The following SLC24A4 variants were observed in gnomAD, a reference collection of about 807,000 sequenced individuals.
SLC24A4 encodes the protein sodium/potassium/calcium exchanger 4.
Under a neutral mutation model 79.0 loss-of-function variants are expected in SLC24A4, and 53 were observed. That is an observed-to-expected ratio of 0.67 (90% confidence interval 0.54 to 0.84). SLC24A4 has a LOEUF of 0.84. Among genes scored for constraint, SLC24A4 ranks in the 40% least tolerant of loss-of-function variants. SLC24A4 has a pLI of 0.00. For synonymous variants in SLC24A4, 323 were observed against 323.8 expected, an observed-to-expected ratio of 1.00 and a Z score of 0.03; for missense variants, 731 against 822.0, an observed-to-expected ratio of 0.89 and a Z score of 1.35.
At chr14:92,484,833 A>T in intron 13 of SLC24A4, 1 of 985,414 alleles carries the variant, frequency 1.0e-6, no homozygotes, top group African/African-American at 1.7e-5. Flanking sequence ...CCAACAGCCA[A>T]TTAAGGGTGA....
chr14:92,356,991 G>T (rs1887219739), intron 2 of SLC24A4, among the ~76,000 whole-genome samples: 1 of 152,236 alleles, frequency 6.6e-6, no homozygotes, highest in Non-Finnish European at 1.5e-5. Flanking sequence ...ACTGGCTTAT[G>T]TTGGGACTGA....
chr14:92,492,845 G>A (rs1895763001), intron 16 of SLC24A4: 2 of 455,650 alleles, frequency 4.4e-6, no homozygotes, highest in South Asian at 3.1e-5. Context: ...TGAGGTTCCT[G>A]GGATCCAGCC....
At chr14:92,420,704 A>T (rs192892850) in intron 2 of SLC24A4, among the ~76,000 whole-genome samples, 3 of 152,288 alleles carry the variant, frequency 2.0e-5, no homozygotes, top group African/African-American at 7.2e-5. Flanking sequence ...TTAGACAATG[A>T]AGAATTGTTT....
intron 2 of SLC24A4, among the ~76,000 whole-genome samples, chr14:92,342,363 C>CATTAATTAATTAATTAATTTATTT (rs377654077): frequency 1.5e-5 from 2 of 137,848 alleles, no homozygotes; most frequent in Admixed American, 7.2e-5. Context: ...TTTTTTTCCC[C>CATTAATTAATTAATTAATTTATTT]ATTTATTTAT....
At chr14:92,446,629 G>A (rs1380027851) in intron 8 of SLC24A4, among the ~76,000 whole-genome samples, 1 of 152,214 alleles carries the variant, frequency 6.6e-6, no homozygotes, top group African/African-American at 2.4e-5. Context: ...GGTTGAGATG[G>A]CAGTGGTTCC....
At chr14:92,463,571 T>A (rs1341212228) in intron 12 of SLC24A4, among the ~76,000 whole-genome samples, 1 of 152,234 alleles carries the variant, frequency 6.6e-6, no homozygotes, top group Non-Finnish European at 1.5e-5. Context: ...AGCTTCCTTT[T>A]CAGTCACTCT....
At position 92,474,817 on chromosome 14, in the gene SLC24A4, A is replaced by G. The variant is rs1363470525; in HGVS notation, c.1256-7863A>G. ...TGTATATATATACATATATACATAT[A>G]TATACATATATATGTGTGTGTGTGT... On this transcript the variant is annotated intron_variant, in intron 12 of 16. Transcript: ENST00000532405. Among the ~76,000 whole-genome samples the G allele has an allele frequency of 7.0e-5, 3 of 43,066 alleles. No homozygotes were observed. The Admixed American group carries it at 1.1e-3, about 16-fold the overall frequency. The allele number at this position is 43,066 out of a possible 152,430, so 28.3% of individuals were successfully genotyped here.
At chr14:92,480,454 C>T (rs867927595) in intron 12 of SLC24A4, among the ~76,000 whole-genome samples, 56 of 149,074 alleles carry the variant, frequency 3.8e-4, no homozygotes, top group East Asian at 2.0e-3. Flanking sequence ...CCACCACGCC[C>T]GGCTAATTTT....
At chr14:92,469,985 G>A (rs1894348684) in intron 12 of SLC24A4, among the ~76,000 whole-genome samples, 1 of 152,194 alleles carries the variant, frequency 6.6e-6, no homozygotes, top group South Asian at 2.1e-4. Context: ...TTATATAGTG[G>A]TCATAGTTAC....
chr14:92,421,366 C>A (rs561081975), intron 2 of SLC24A4, among the ~76,000 whole-genome samples: 88 of 152,232 alleles, frequency 5.8e-4, no homozygotes, highest in African/African-American at 2.0e-3. Context: ...TCCTTGTGCC[C>A]TTTGCCAATT....
At chr14:92,381,250 C>T (rs2141711460) in intron 2 of SLC24A4, among the ~76,000 whole-genome samples, 1 of 152,246 alleles carries the variant, frequency 6.6e-6, no homozygotes, top group East Asian at 1.9e-4. Context: ...ACTATGCAGC[C>T]ATAAAAAGGG....
intron 2 of SLC24A4, among the ~76,000 whole-genome samples, chr14:92,339,604 G>A (rs888065022): frequency 3.3e-5 from 5 of 152,200 alleles, no homozygotes; most frequent in African/African-American, 7.2e-5. Context: ...CGGGGTAGGC[G>A]GAGGGTCCCC....
chr14:92,458,313 G>T (rs1433003653), intron 12 of SLC24A4, among the ~76,000 whole-genome samples: 1 of 152,220 alleles, frequency 6.6e-6, no homozygotes, highest in Non-Finnish European at 1.5e-5. Context: ...CCCAGCCCAG[G>T]GGTTCAGGCC....
intron 13 of SLC24A4, chr14:92,485,028 G>T (rs920838515): frequency 2.7e-5 from 11 of 401,046 alleles, no homozygotes; most frequent in Non-Finnish European, 3.7e-5. Flanking sequence ...AGCATGGTTG[G>T]TTGCTCATGA....
Position 92,443,405 on chromosome 14 carries a change from C to A in SLC24A4, c.588C>A (p.Val196=). 1 of 1,614,134 alleles carries A rather than the reference C, an allele frequency of 6.2e-7. No individual in the cohort carries two copies. Among genetic ancestry groups the A allele is most frequent in the Non-Finnish European group, 8.5e-7 (1 of 1,180,020 alleles). ...CGACGGGGCTCTGCTGGCAGGTGGT[C>A]CGTCTGACGTGGTGGGCCGTGTGCC... ...GVCGLFAGQV[V]RLTWWAVCRD... is the part of the protein sequence containing the mutation. The change falls in exon 7 of 17, where the codon GTC becomes GTA. Residue 196 remains valine (V), a synonymous_variant. Coordinates refer to ENST00000532405, the MANE Select transcript of SLC24A4 (RefSeq NM_153646.4).
chr14:92,426,158 G>A (rs367890248), intron 2 of SLC24A4, among the ~76,000 whole-genome samples: 4 of 152,274 alleles, frequency 2.6e-5, no homozygotes, highest in South Asian at 4.2e-4. Flanking sequence ...AGTCTGTTTA[G>A]TGTTACTAAA....
intron 2 of SLC24A4, among the ~76,000 whole-genome samples, chr14:92,411,717 G>T (rs1890725829): frequency 6.6e-6 from 1 of 152,158 alleles, no homozygotes; most frequent in Non-Finnish European, 1.5e-5. Context: ...AGGATTATGT[G>T]CCTTCCTTCC....
rs1030313391 is a variant in SLC24A4, at chr14:92,398,177, G to A, written c.242-35735G>A. 1.3e-5 allele frequency among the ~76,000 whole-genome samples: 2 copies of A among 152,222 alleles called. No homozygotes were observed. The highest frequency in any genetic ancestry group is 2.9e-5 in the Non-Finnish European group (2 of 68,050). ...TTTAAGATATGCCTGGTGTGTGCATGCCTAAGTTGGTTGAAACATGCCCTC... is the reference window on the plus strand; with the variant it reads ...TTTAAGATATGCCTGGTGTGTGCATACCTAAGTTGGTTGAAACATGCCCTC... On this transcript the variant is annotated intron_variant, in intron 2 of 16. Coordinates refer to ENST00000532405, the MANE Select transcript of SLC24A4 (RefSeq NM_153646.4). The surrounding 1 kb of genome is among the most constrained non-coding windows in gnomAD (Gnocchi z 4.1).
Position 92,453,711 on chromosome 14 carries a change from G to A in SLC24A4, c.881-189G>A, listed in dbSNP as rs1419325984. The A allele has an allele frequency of 1.6e-5, 9 of 549,442 alleles. No homozygotes were observed. The East Asian group carries it at 2.0e-4, about 12-fold the overall frequency. 34.0% of individuals were successfully genotyped at this position (549,442 alleles called of 1,614,324 possible). On this transcript the variant is annotated intron_variant, in intron 10 of 16. Transcript: ENST00000532405. ...GGCTTCACACACTAGGTCAGCAGGT[G>A]TTTCAAAGCTAGTGACCCACTTTGC... is the stretch of plus-strand genomic sequence containing the variant.
Sources: gnomAD v4.1 joint callset for allele counts (sites outside exome capture counted in the v4.1 genomes callset) on GRCh38, gnomAD v4.1.1 for gene constraint, Gnocchi (gnomAD v3.1) non-coding constraint, MANE v1.5 for transcripts, NCBI Gene and HGNC (gene_info 2026-07-23, HGNC 2026-07-21) for gene names.